GBX1: variants seen among roughly 807,000 people sequenced by gnomAD.
GBX1 encodes the protein gastrulation brain homeobox 1.
In GBX1, 9 loss-of-function variants were observed where a neutral mutation model predicts 22.9. That is an observed-to-expected ratio of 0.39 (90% CI 0.24 to 0.69). The LOEUF (loss-of-function observed/expected upper bound fraction) is 0.69. Ranked by LOEUF, GBX1 falls within the 30% of genes least tolerant of loss-of-function variation. GBX1 has a pLI of 0.43. For synonymous variants in GBX1, 203 were observed against 227.3 expected (o/e 0.89, Z 0.96); for missense variants, 494 against 509.2 (o/e 0.97, Z 0.29).
At chr7:151,149,589 G>A (rs541656667) in intron 1 of GBX1, among the ~76,000 whole-genome samples, 12 of 152,250 alleles carry the variant, frequency 7.9e-5, no homozygotes, top group African/African-American at 2.2e-4. Context: ...TATGGGACCC[G>A]GCTTGGGATC....
At position 151,167,152 on chromosome 7, in the gene GBX1, C is replaced by A. The variant is rs755180512; in HGVS notation, c.397G>T (p.Ala133Ser). ...AAAAAAAATA[A>S]RNNPEPGGRR... The stretch of plus-strand genomic sequence containing the variant: ...CCGCCTGGCTCGGGGTTGTTTCGGG[C>A]GGCAGTGGCGGCGGCGGCGGCAGCG... Residue 133 changes from alanine to serine, a missense_variant, in exon 1 of 2, where the codon GCC (alanine) becomes TCC (serine). By Grantham distance (99) the Ala-to-Ser change is moderately conservative (BLOSUM62 1). This residue lies in a region of GBX1 where 365 missense variants were observed against 340.4 expected (regional missense o/e 1.07). Coordinates refer to ENST00000297537, the MANE Select transcript of GBX1 (RefSeq NM_001098834.3). The surrounding 1 kb of genome is among the most constrained non-coding windows in gnomAD (Gnocchi z 5.9). 5 of 1,597,034 alleles carry A rather than the reference C, an allele frequency of 3.1e-6. No homozygotes were observed. Among genetic ancestry groups the A allele is most frequent in the Non-Finnish European group, 3.4e-6 (4 of 1,174,024 alleles).
intron 1 of GBX1, among the ~76,000 whole-genome samples, chr7:151,155,920 G>A (rs920998605): frequency 3.9e-5 from 6 of 152,190 alleles, no homozygotes; most frequent in African/African-American, 9.7e-5. Flanking sequence ...GGGACAGAGT[G>A]TCAGGTCTAG....
At chr7:151,158,593 C>G (rs1203791479) in intron 1 of GBX1, among the ~76,000 whole-genome samples, 1 of 151,786 alleles carries the variant, frequency 6.6e-6, no homozygotes, top group African/African-American at 2.4e-5. Context: ...GGAGAAAGAG[C>G]CAAAGACACA....
rs558413359 is a variant in GBX1, at chr7:151,151,063, C to G, written c.539-1921G>C. Among the ~76,000 whole-genome samples the G allele has an allele frequency of 2.0e-5, 3 of 152,312 alleles. No individual in the cohort carries two copies. The South Asian group carries it at 6.2e-4, about 32-fold the overall frequency. On this transcript the variant is annotated intron_variant, in intron 1 of 1. Transcript: ENST00000297537. ...TTCCTTAGTGGCCAGAACTCTCAACCTTTTTCCACATCACCCATCTACATC... is the reference window on the plus strand; with the variant it reads ...TTCCTTAGTGGCCAGAACTCTCAACGTTTTTCCACATCACCCATCTACATC...
intron 1 of GBX1, among the ~76,000 whole-genome samples, chr7:151,163,231 C>G (rs1430783314): frequency 6.6e-6 from 1 of 151,896 alleles, no homozygotes; most frequent in African/African-American, 2.4e-5. Flanking sequence ...GCTTTGATTA[C>G]TCTCAGCCAG....
chr7:151,156,713 G>T (rs1045547769), intron 1 of GBX1, among the ~76,000 whole-genome samples: 1 of 151,916 alleles, frequency 6.6e-6, no homozygotes, highest in Admixed American at 6.6e-5. Context: ...GGCTGGGCAC[G>T]GTGGCTCATG....
Position 151,166,480 on chromosome 7 carries a change from C to A in GBX1, c.538+531G>T, listed in dbSNP as rs571698053. On this transcript the variant is annotated intron_variant, in intron 1 of 1. Coordinates refer to ENST00000297537, the MANE Select transcript of GBX1 (RefSeq NM_001098834.3). ...GTCACGGCTTTGAGACGCAACCCCC[C>A]CCCCCCAACACACACACACACACAC... Among the ~76,000 whole-genome samples, 7 of 125,180 alleles carry A rather than the reference C, an allele frequency of 5.6e-5. No individual in the cohort carries two copies. In the South Asian group the frequency reaches 1.6e-3, roughly 29 times the overall value. The allele number at this position is 125,180 out of a possible 152,430, so 82.1% of individuals were successfully genotyped here.
intron 1 of GBX1, among the ~76,000 whole-genome samples, chr7:151,155,338 A>C (rs1801122408): frequency 6.6e-6 from 1 of 152,042 alleles, no homozygotes; most frequent in Non-Finnish European, 1.5e-5. Flanking sequence ...ATTTGCCATC[A>C]CTCCCACTTC....
intron 1 of GBX1, among the ~76,000 whole-genome samples, chr7:151,164,761 AAC>A (rs200491123): frequency 0.019 from 2,737 of 146,548 alleles, 36 homozygotes; most frequent in Non-Finnish European, 0.029. Context: ...CTCCAAGAAC[AAC>A]ACAAATTTCC....
At position 151,167,331 on chromosome 7, in the gene GBX1, A is replaced by G. The variant is rs1444888335; in HGVS notation, c.218T>C (p.Leu73Pro). 5.9e-6 allele frequency: 9 copies of G among 1,512,858 alleles called. No homozygotes were observed. The highest frequency in any genetic ancestry group is 7.9e-6 in the Non-Finnish European group (9 of 1,133,956). The allele number at this position is 1,512,858 out of a possible 1,614,324, so 93.7% of individuals were successfully genotyped here. Residue 73 changes from leucine to proline, a missense_variant, in exon 1 of 2, where the codon CTC becomes CCC. By Grantham distance (98) the Leu-to-Pro change is moderately conservative. Coordinates refer to ENST00000297537, the MANE Select transcript of GBX1 (RefSeq NM_001098834.3). This position sits in a 1 kb window ranked among gnomAD's most constrained non-coding sequence, Gnocchi z 5.9. Reference protein sequence around the residue: ...PAPLPAGLPPLAPLASFAGRL... With the variant: ...PAPLPAGLPPPAPLASFAGRL... ...GCCGGCGAAAGAGGCTAGCGGGGCGAGGGGCGGGAGGCCAGCGGGCAGCGG... is the reference window on the plus strand; with the variant it reads ...GCCGGCGAAAGAGGCTAGCGGGGCGGGGGGCGGGAGGCCAGCGGGCAGCGG...
chr7:151,157,515 A>C (rs941342879), intron 1 of GBX1, among the ~76,000 whole-genome samples: 24 of 152,078 alleles, frequency 1.6e-4, no homozygotes, highest in African/African-American at 5.6e-4. Context: ...CTTTATCACT[A>C]TTTAGCTAGC....
At position 151,167,559 on chromosome 7, in the gene GBX1, G is replaced by A. The variant is rs1268309293; in HGVS notation, c.-11C>T. On this transcript the variant is annotated 5_prime_UTR_variant, in exon 1 of 2. Coordinates refer to ENST00000297537, the MANE Select transcript of GBX1 (RefSeq NM_001098834.3). This position sits in a 1 kb window ranked among gnomAD's most constrained non-coding sequence, Gnocchi z 5.9. ...TCCGGCCCGCTGCATCTTGTTCGGAGCTGCGGCCGCCCCGGGGCGCTCCTC... is the reference window on the plus strand; with the variant it reads ...TCCGGCCCGCTGCATCTTGTTCGGAACTGCGGCCGCCCCGGGGCGCTCCTC... 5.6e-6 allele frequency: 8 copies of A among 1,418,448 alleles called. No homozygotes were observed. Among genetic ancestry groups the A allele is most frequent in the South Asian group, 1.4e-5 (1 of 69,340 alleles). The allele number at this position is 1,418,448 out of a possible 1,614,324, so 87.9% of individuals were successfully genotyped here.
At position 151,167,286 on chromosome 7, in the gene GBX1, C is replaced by G; in HGVS notation, c.263G>C (p.Cys88Ser). ...SFAGRLTNTFCAGLGQAVPSM... is the reference protein window; with the variant it reads ...SFAGRLTNTFSAGLGQAVPSM... ...GGGCACAGCCTGACCCAGCCCCGCG[C>G]AGAAGGTGTTGGTAAGGCGGCCGGC... is the stretch of plus-strand genomic sequence containing the variant. The change falls in exon 1 of 2, where the codon TGC becomes TCC. Residue 88 changes from cysteine (C) to serine (S), a missense_variant. By Grantham distance (112) the Cys-to-Ser change is moderately radical. This residue lies in a region of GBX1 where 365 missense variants were observed against 340.4 expected (regional missense o/e 1.07). Coordinates refer to ENST00000297537, the MANE Select transcript of GBX1 (RefSeq NM_001098834.3). This position sits in a 1 kb window ranked among gnomAD's most constrained non-coding sequence, Gnocchi z 5.9. 6.5e-7 allele frequency: 1 copy of G among 1,534,842 alleles called. No individual in the cohort carries two copies. Among genetic ancestry groups the G allele is most frequent in the Non-Finnish European group, 8.7e-7 (1 of 1,143,940 alleles).
chr7:151,155,016 G>A (rs552744733), intron 1 of GBX1, among the ~76,000 whole-genome samples: 2 of 152,226 alleles, frequency 1.3e-5, no homozygotes, highest in Non-Finnish European at 2.9e-5. Context: ...TAGCCCCTGT[G>A]CTGTCCCTCA....
intron 1 of GBX1, among the ~76,000 whole-genome samples, chr7:151,164,502 T>C (rs1399445410): frequency 6.6e-6 from 1 of 152,220 alleles, no homozygotes; most frequent in Non-Finnish European, 1.5e-5. Flanking sequence ...CAGGAAGAGT[T>C]GGAAGCGTGT....
chr7:151,166,154 A>C (rs960455596), intron 1 of GBX1, among the ~76,000 whole-genome samples: 5 of 152,160 alleles, frequency 3.3e-5, no homozygotes, highest in Admixed American at 3.3e-4. Context: ...ACCAATAGAG[A>C]GGTCAGGAGG....
Position 151,167,358 on chromosome 7 carries a change from G to T in GBX1, c.191C>A (p.Ala64Glu). 1 of 1,508,898 alleles carries T rather than the reference G, an allele frequency of 6.6e-7. No homozygotes were observed. The allele number at this position is 1,508,898 out of a possible 1,614,324, so 93.5% of individuals were successfully genotyped here. ...PLVLPQALAP[A>E]PLPAGLPPLA... ...GGGCGGGAGGCCAGCGGGCAGCGGCGCAGGGGCCAGCGCCTGCGGCAGCAC... is the reference window on the plus strand; with the variant it reads ...GGGCGGGAGGCCAGCGGGCAGCGGCTCAGGGGCCAGCGCCTGCGGCAGCAC... The change falls in exon 1 of 2, where the codon GCG becomes GAG. Residue 64 changes from alanine (A) to glutamate (E), a missense_variant. Ala to Glu is a moderately radical substitution (Grantham distance 107). Transcript: ENST00000297537. This position sits in a 1 kb window ranked among gnomAD's most constrained non-coding sequence, Gnocchi z 5.9.
intron 1 of GBX1, among the ~76,000 whole-genome samples, chr7:151,153,784 A>C (rs950155655): frequency 1.3e-5 from 2 of 151,814 alleles, no homozygotes; most frequent in Non-Finnish European, 2.9e-5. Context: ...GCTGGTCTCA[A>C]ACTTCTGGAC....
rs56028091 is a variant in GBX1 at position 151,160,819 on chromosome 7, C to T, written c.538+6192G>A. On this transcript the variant is annotated intron_variant, in intron 1 of 1. Transcript: ENST00000297537. ...GCTCAGACTTCCAAAAAAAATTTCCCGCCTCTTTTTTACTACACTCCTAAT... is the reference window on the plus strand; with the variant it reads ...GCTCAGACTTCCAAAAAAAATTTCCTGCCTCTTTTTTACTACACTCCTAAT... 4.6e-3 allele frequency among the ~76,000 whole-genome samples: 693 copies of T among 152,288 alleles called. 2 individuals are homozygous for T. Among genetic ancestry groups the T allele is most frequent in the Non-Finnish European group, 8.2e-3 (561 of 68,034 alleles).
Sources: gnomAD v4.1 joint callset for allele counts (sites outside exome capture counted in the v4.1 genomes callset) on GRCh38, gnomAD v4.1.1 for gene constraint, gnomAD v4.1.1 regional missense constraint, Gnocchi (gnomAD v3.1) non-coding constraint, MANE v1.5 for transcripts, NCBI Gene and HGNC (gene_info 2026-07-23, HGNC 2026-07-21) for gene names.